The following ARAP2 variants were observed in gnomAD, a reference collection of about 807,000 sequenced individuals.
ARAP2 encodes ArfGAP with RhoGAP domain, ankyrin repeat and PH domain 2.
In ARAP2, 148 loss-of-function variants were observed where a neutral mutation model predicts 194.5. The ratio of observed to expected loss-of-function variants is 0.76; its 90% confidence interval spans 0.67 to 0.87. The LOEUF is 0.87. Ranked by LOEUF, ARAP2 falls within the 40% of genes least tolerant of loss-of-function variation. The pLI is 0.00. For synonymous variants in ARAP2, 695 were observed against 683.5 expected (o/e 1.02, Z -0.26); for missense variants, 2,128 against 1,989.7 (o/e 1.07, Z -1.32).
At chr4:36,063,583 C>T (rs967862565), downstream of ARAP2, among the ~76,000 whole-genome samples, 33 of 152,230 alleles carry the variant, frequency 2.2e-4, no homozygotes, top group Non-Finnish European at 4.8e-4. Flanking sequence ...ATCTTGATCC[C>T]AACCCTTTCC....
chr4:36,076,577 G>A (rs1451677890), intron 31 of ARAP2, among the ~76,000 whole-genome samples: 1 of 151,320 alleles, frequency 6.6e-6, no homozygotes, highest in Non-Finnish European at 1.5e-5. Flanking sequence ...AAATGTCCCA[G>A]GGCTTATTCC....
At chr4:36,129,956 T>C (rs1725016567) in intron 20 of ARAP2, among the ~76,000 whole-genome samples, 1 of 151,934 alleles carries the variant, frequency 6.6e-6, no homozygotes, top group Non-Finnish European at 1.5e-5. Context: ...CTTTATCTTG[T>C]TCCTCTCTGC....
chr4:36,098,691 G>C (rs554114607), intron 27 of ARAP2, among the ~76,000 whole-genome samples: 1 of 151,906 alleles, frequency 6.6e-6, no homozygotes, highest in Non-Finnish European at 1.5e-5. Context: ...TTAATCACTT[G>C]ATTGATCTTG....
rs1283506325 is a variant in ARAP2, at chr4:36,140,175, C to CACACACACAT, written c.3264-6787_3264-6786insATGTGTGTGT. Among the ~76,000 whole-genome samples the CACACACACAT allele has an allele frequency of 3.3e-5, 5 of 150,300 alleles. No individual in the cohort carries two copies. In the South Asian group the frequency reaches 8.4e-4, roughly 25 times the overall value. The stretch of plus-strand genomic sequence containing the variant: ...ACACACACACACACACACACACACA[C>CACACACACAT]ATCTTAGAGGGATTTGCTCATTCTT... On this transcript the variant is annotated intron_variant, in intron 19 of 32. Coordinates refer to ENST00000303965, the MANE Select transcript of ARAP2 (RefSeq NM_015230.4).
In ARAP2 at chr4:36,147,684, G is replaced by A. The variant is rs1213306971; in HGVS notation, c.3063C>T (p.Leu1021=). The part of the protein sequence containing the change: ...TEADYDLIGQ[L]FYKDCHALDQ... ...CCAGGGCATGGCAGTCTTTGTAGAA[G>A]AGTTGACCAATCAAATCATAGTCAG... The change falls in exon 18 of 33, where the codon CTC becomes CTT. Residue 1021 remains leucine, a synonymous_variant. Transcript: ENST00000303965. 6.2e-7 allele frequency: 1 copy of A among 1,613,162 alleles called. No individual in the cohort carries two copies. Among genetic ancestry groups the A allele is most frequent in the African/African-American group, 1.3e-5 (1 of 75,004 alleles).
chr4:36,074,586 G>A (rs373417291), intron 31 of ARAP2, among the ~76,000 whole-genome samples: 7 of 151,914 alleles, frequency 4.6e-5, no homozygotes, highest in African/African-American at 1.7e-4. Context: ...TAACTTTCCA[G>A]AATTTGGAAA....
intron 28 of ARAP2, among the ~76,000 whole-genome samples, chr4:36,086,348 G>T (rs1416795640): frequency 6.6e-6 from 1 of 152,024 alleles, no homozygotes; most frequent in African/African-American, 2.4e-5. Flanking sequence ...GAGTCTGAGG[G>T]AATTGACTGC....
intron 2 of ARAP2, among the ~76,000 whole-genome samples, chr4:36,056,619 A>G (rs1006803925): frequency 6.6e-6 from 1 of 152,182 alleles, no homozygotes; most frequent in Non-Finnish European, 1.5e-5. Context: ...TGAAGTGCTT[A>G]GTTTTGTATG....
At chr4:36,043,844 G>GCAA (rs1560311648) in intron 5 of ARAP2, among the ~76,000 whole-genome samples, 3 of 36,930 alleles carry the variant, frequency 8.1e-5, no homozygotes, top group African/African-American at 3.2e-4. Context: ...GGGAGGGGAG[G>GCAA]GGGGAGGGGA....
chr4:36,019,907 G>A (rs1383098861), intron 5 of ARAP2, among the ~76,000 whole-genome samples: 2 of 152,116 alleles, frequency 1.3e-5, no homozygotes, highest in African/African-American at 4.8e-5. Flanking sequence ...GACCCTCAGT[G>A]GATGTCTGAA....
intron 26 of ARAP2, 68 bp from the exon 27 acceptor site, chr4:36,107,761 T>A: frequency 6.9e-7 from 1 of 1,452,994 alleles, no homozygotes; most frequent in Non-Finnish European, 9.2e-7. Context: ...TTTATAATCA[T>A]AAATTTTAAA....
chr4:36,172,530 G>A (rs947818333), intron 9 of ARAP2, among the ~76,000 whole-genome samples: 2 of 151,690 alleles, frequency 1.3e-5, no homozygotes, highest in Admixed American at 6.6e-5. Context: ...TTAAACATTC[G>A]GATAAAATTA....
chr4:36,078,305 G>A (rs148642645), intron 31 of ARAP2, among the ~76,000 whole-genome samples: 1 of 152,190 alleles, frequency 6.6e-6, no homozygotes, highest in African/African-American at 2.4e-5. Flanking sequence ...GAAGGTCTAA[G>A]TCATCTGAAG....
intron 2 of ARAP2, among the ~76,000 whole-genome samples, chr4:36,224,584 T>C (rs1326992570): frequency 6.6e-6 from 1 of 152,174 alleles, no homozygotes; most frequent in African/African-American, 2.4e-5. Flanking sequence ...TTCAATTTTA[T>C]ACGTTTTTCA....
Position 36,213,230 on chromosome 4 carries a change from G to C in ARAP2, c.1041+13C>G. The C allele has an allele frequency of 6.5e-7, 1 of 1,543,990 alleles. No individual in the cohort carries two copies. Among genetic ancestry groups the C allele is most frequent in the South Asian group, 1.1e-5 (1 of 88,200 alleles). ...ATTGATTATGGAAAACAATTAAAATGTATGGGACTAACCTTGGAATTTTCT... is the reference window on the plus strand; with the variant it reads ...ATTGATTATGGAAAACAATTAAAATCTATGGGACTAACCTTGGAATTTTCT... On this transcript the variant is annotated intron_variant, in intron 4 of 32. Coordinates refer to ENST00000303965, the MANE Select transcript of ARAP2 (RefSeq NM_015230.4).
chr4:36,097,935 A>G (rs529921184), intron 27 of ARAP2, among the ~76,000 whole-genome samples: 34 of 152,114 alleles, frequency 2.2e-4, no homozygotes, highest in Non-Finnish European at 4.0e-4. Flanking sequence ...TCAACTTGTT[A>G]TTAATTTAGA....
chr4:36,055,313 C>A (rs1400760374), intron 2 of ARAP2, among the ~76,000 whole-genome samples: 1 of 152,076 alleles, frequency 6.6e-6, no homozygotes. Context: ...TTGTTCTTTG[C>A]CCGTGAATGC....
chr4:36,147,383 AATTT>A, intron 18 of ARAP2, 24 bp from the exon 19 acceptor site: 2 of 1,611,146 alleles, frequency 1.2e-6, no homozygotes, highest in Non-Finnish European at 1.7e-6. Flanking sequence ...GAAAAGCAAA[AATTT>A]ATTTTTTAAA....
intron 5 of ARAP2, among the ~76,000 whole-genome samples, chr4:36,040,431 A>C (rs1008190202): frequency 4.6e-5 from 7 of 152,210 alleles, no homozygotes; most frequent in African/African-American, 1.7e-4. Context: ...ATTGCTTTGC[A>C]TGGTAGGGCC....
Sources: allele counts gnomAD v4.1 joint callset (sites outside exome capture counted in the v4.1 genomes callset), GRCh38; gene constraint gnomAD v4.1.1; transcripts MANE v1.5; gene names NCBI Gene and HGNC (gene_info 2026-07-23, HGNC 2026-07-21).